ADIPOR2: variants seen among roughly 807,000 people sequenced by gnomAD.
ADIPOR2 encodes adiponectin receptor protein 2.
ADIPOR2 carries 18 observed loss-of-function variants against 40.9 expected under a neutral mutation model. The ratio of observed to expected loss-of-function variants is 0.44; its 90% CI spans 0.30 to 0.65. The LOEUF is 0.65. Ranked by LOEUF, ADIPOR2 falls within the 30% of genes least tolerant of loss-of-function variation. ADIPOR2 has a pLI of 0.09. For missense variants in ADIPOR2, 283 were observed against 479.2 expected (o/e 0.59, Z 3.82); for synonymous variants, 165 against 166.4 (o/e 0.99, Z 0.06).
At chr12:1,705,661 C>T (rs1287738742) in intron 1 of ADIPOR2, among the ~76,000 whole-genome samples, 1 of 152,118 alleles carries the variant, frequency 6.6e-6, no homozygotes, top group Non-Finnish European at 1.5e-5. Context: ...GGGTACTAAT[C>T]TTTGTTTCAA....
intron 1 of ADIPOR2, among the ~76,000 whole-genome samples, chr12:1,723,650 CAA>C (rs1205435286): frequency 1.3e-5 from 2 of 150,734 alleles, no homozygotes; most frequent in Non-Finnish European, 3.0e-5. Flanking sequence ...AAAAACAAAA[CAA>C]AACAAAACAA....
chr12:1,704,194 A>T (rs948882760), intron 1 of ADIPOR2, among the ~76,000 whole-genome samples: 2 of 151,840 alleles, frequency 1.3e-5, no homozygotes, highest in Admixed American at 1.3e-4. Flanking sequence ...AAAGCAGCTC[A>T]TGGTTTCTTG....
rs772136600 is a variant in ADIPOR2, at chr12:1,780,911, C to G, written c.673C>G (p.Leu225Val). Residue 225 changes from leucine (L) to valine (V), a missense_variant, in exon 6 of 8, where the codon CTT becomes GTT. Transcript: ENST00000357103. The part of the protein sequence containing the change: ...FSKLDYSGIA[L>V]LIMGSFVPWL... ...TAGACTGGATTACTCTGGTATTGCT[C>G]TTCTGATTATGGGAAGTTTTGTTCC... The G allele has an allele frequency of 1.9e-6, 3 of 1,609,158 alleles. No homozygotes were observed. Among genetic ancestry groups the G allele is most frequent in the African/African-American group, 2.7e-5 (2 of 74,354 alleles).
intron 1 of ADIPOR2, among the ~76,000 whole-genome samples, chr12:1,747,129 C>G (rs1226354817): frequency 6.6e-6 from 1 of 150,704 alleles, no homozygotes; most frequent in Non-Finnish European, 1.5e-5. Context: ...CCAGTTGGGC[C>G]TAATAGGCAT....
chr12:1,764,102 A>T (rs531467691), intron 2 of ADIPOR2, among the ~76,000 whole-genome samples: 21 of 152,214 alleles, frequency 1.4e-4, no homozygotes, highest in Admixed American at 2.6e-4. Context: ...CAGATGTGTG[A>T]CTTTGGCCAA....
intron 1 of ADIPOR2, among the ~76,000 whole-genome samples, chr12:1,703,485 CAGTACTTTGGGA>C (rs2094654791): frequency 6.6e-6 from 1 of 152,016 alleles, no homozygotes; most frequent in Non-Finnish European, 1.5e-5. Context: ...GCTGTAATCT[CAGTACTTTGGGA>C]AGCTGAGATA....
intron 2 of ADIPOR2, among the ~76,000 whole-genome samples, chr12:1,761,229 G>A (rs1862263778): frequency 1.3e-5 from 2 of 152,110 alleles, no homozygotes; most frequent in Admixed American, 1.3e-4. Context: ...CTGTGGATGG[G>A]GGGAAACTAC....
At chr12:1,733,818 T>C (rs2094725201) in intron 1 of ADIPOR2, among the ~76,000 whole-genome samples, 1 of 147,154 alleles carries the variant, frequency 6.8e-6, no homozygotes, top group Admixed American at 6.8e-5. Flanking sequence ...CCATGTGTTC[T>C]CATTGTTCAA....
At chr12:1,772,728 T>G in intron 2 of ADIPOR2, 114 bp from the exon 3 acceptor site, 1 of 1,326,894 alleles carries the variant, frequency 7.5e-7, no homozygotes, top group South Asian at 1.7e-5. Flanking sequence ...GATTCTTGTC[T>G]AAGGCCTTGT....
At position 1,713,999 on chromosome 12, in the gene ADIPOR2, C is replaced by T. The variant is rs539074665; in HGVS notation, c.-87+22808C>T. ...TGATGACATGAGCTGGCGCTTGCCC[C>T]GGGCACCCTCAGTCCTGTTGGATCA... On this transcript the variant is annotated intron_variant, in intron 1 of 7. Transcript: ENST00000357103. Among the ~76,000 whole-genome samples the T allele has an allele frequency of 1.6e-4, 25 of 152,224 alleles. 1 individual carries two copies. The highest frequency in any genetic ancestry group is 2.1e-4 in the South Asian group (1 of 4,828).
At chr12:1,713,866 A>G (rs1438638162) in intron 1 of ADIPOR2, among the ~76,000 whole-genome samples, 1 of 152,098 alleles carries the variant, frequency 6.6e-6, no homozygotes, top group African/African-American at 2.4e-5. Flanking sequence ...GACCTTGAGG[A>G]CAGCCGTCTG....
In ADIPOR2 at chr12:1,787,946, C is replaced by T. The variant is rs1274220992; in HGVS notation, c.*1874C>T. 1 of 152,654 alleles carries T rather than the reference C, an allele frequency of 6.6e-6. No homozygotes were observed. The highest frequency in any genetic ancestry group is 6.5e-5 in the Admixed American group (1 of 15,282). 9.5% of individuals were successfully genotyped at this position (152,654 alleles called of 1,614,324 possible). A position where few individuals can be genotyped will look rare whatever the true frequency, so the allele number is the denominator to read the frequency against. ...ACTCAGTGGATGAACTGGTGCAGTGCCTGACAGAATAAAGAACAGTATTAA... is the reference window on the plus strand; with the variant it reads ...ACTCAGTGGATGAACTGGTGCAGTGTCTGACAGAATAAAGAACAGTATTAA... On this transcript the variant is annotated 3_prime_UTR_variant, in exon 8 of 8. Transcript: ENST00000357103.
At chr12:1,724,401 A>G (rs1347662585) in intron 1 of ADIPOR2, among the ~76,000 whole-genome samples, 4 of 152,220 alleles carry the variant, frequency 2.6e-5, no homozygotes, top group Admixed American at 1.3e-4. Context: ...ACAAAAAGAC[A>G]AATACTGTAT....
At chr12:1,692,895 T>C (rs7975826) in intron 1 of ADIPOR2, among the ~76,000 whole-genome samples, 48,390 of 152,036 alleles carry the variant, frequency 0.32, 8,298 homozygotes, top group East Asian at 0.5. Context: ...TCGCTCACGC[T>C]GGTAATCCCA....
intron 1 of ADIPOR2, among the ~76,000 whole-genome samples, chr12:1,737,554 A>T (rs1413586583): frequency 1.3e-5 from 2 of 152,094 alleles, no homozygotes; most frequent in Non-Finnish European, 2.9e-5. Flanking sequence ...GTTGTTTGCT[A>T]ATCTTCCTGT....
chr12:1,740,413 C>G (rs968466634), intron 1 of ADIPOR2, among the ~76,000 whole-genome samples: 1 of 152,222 alleles, frequency 6.6e-6, no homozygotes, highest in Non-Finnish European at 1.5e-5. Context: ...TGCCTTCTCT[C>G]TGTCCTCACA....
intron 1 of ADIPOR2, among the ~76,000 whole-genome samples, chr12:1,735,903 A>G (rs1003384056): frequency 7.9e-5 from 12 of 152,038 alleles, no homozygotes; most frequent in Non-Finnish European, 1.5e-4. Context: ...ACGTTTATTG[A>G]TTTGCGTATG....
intron 2 of ADIPOR2, among the ~76,000 whole-genome samples, chr12:1,763,456 A>C (rs940764638): frequency 4.6e-5 from 7 of 152,224 alleles, no homozygotes; most frequent in African/African-American, 1.7e-4. Context: ...AGCAGTGGTA[A>C]CACTGCCTGG....
At chr12:1,771,391 C>CT (rs1862491495) in intron 2 of ADIPOR2, among the ~76,000 whole-genome samples, 1 of 139,194 alleles carries the variant, frequency 7.2e-6, no homozygotes, top group Admixed American at 7.2e-5. Flanking sequence ...CTGTCTCAAA[C>CT]TAAAAAAAAA....
Sources: allele counts gnomAD v4.1 joint callset (sites outside exome capture counted in the v4.1 genomes callset), GRCh38; gene constraint gnomAD v4.1.1; transcripts MANE v1.5; gene names NCBI Gene and HGNC (gene_info 2026-07-23, HGNC 2026-07-21).